The following SAMSN1 variants were observed in gnomAD, a reference collection of about 807,000 sequenced individuals.
SAMSN1 encodes SAM domain-containing protein SAMSN-1.
A neutral mutation model predicts 42.0 loss-of-function variants in SAMSN1; 31 were observed. The ratio of observed to expected loss-of-function variants is 0.74; its 90% CI spans 0.55 to 1.00. SAMSN1 has a LOEUF of 1.00. Ranked by LOEUF, SAMSN1 falls within the 50% of genes least tolerant of loss-of-function variation. The pLI is 0.00. For synonymous variants in SAMSN1, 178 were observed against 151.9 expected (o/e 1.17, Z -1.26); for missense variants, 464 against 439.4 (o/e 1.06, Z -0.50).
At chr21:14,561,462 A>T (rs1170331946) in intron 2 of SAMSN1, among the ~76,000 whole-genome samples, 1 of 152,164 alleles carries the variant, frequency 6.6e-6, no homozygotes, top group Non-Finnish European at 1.5e-5. Context: ...CTGTTGGGCA[A>T]ATACAATATG....
chr21:14,515,056 G>A (rs1987845300), intron 3 of SAMSN1, among the ~76,000 whole-genome samples: 2 of 152,020 alleles, frequency 1.3e-5, no homozygotes, highest in African/African-American at 4.8e-5. Flanking sequence ...AATGCCAGAA[G>A]CATGCCTAGT....
intron 2 of SAMSN1, among the ~76,000 whole-genome samples, chr21:14,518,182 G>A (rs1012350518): frequency 1.3e-5 from 2 of 152,160 alleles, no homozygotes; most frequent in African/African-American, 4.8e-5. Context: ...TCATATAATA[G>A]GAGAGTAATT....
At chr21:14,490,129 G>A (rs1286081776) in intron 7 of SAMSN1, among the ~76,000 whole-genome samples, 1 of 152,018 alleles carries the variant, frequency 6.6e-6, no homozygotes, top group African/African-American at 2.4e-5. Context: ...TTACCATCTT[G>A]CTTGCCTTAG....
At chr21:14,634,970 G>A (rs1339739789) in intron 2 of SAMSN1, among the ~76,000 whole-genome samples, 1 of 152,144 alleles carries the variant, frequency 6.6e-6, no homozygotes, top group African/African-American at 2.4e-5. Context: ...AGAAAATGTG[G>A]TACATATACA....
At chr21:14,505,116 A>T (rs1033830611) in intron 5 of SAMSN1, among the ~76,000 whole-genome samples, 3 of 152,230 alleles carry the variant, frequency 2.0e-5, no homozygotes, top group Non-Finnish European at 4.4e-5. Flanking sequence ...CTGGAAACAC[A>T]TCAAAACAGA....
intron 2 of SAMSN1, among the ~76,000 whole-genome samples, chr21:14,627,095 G>A (rs1222189229): frequency 6.6e-6 from 1 of 152,112 alleles, no homozygotes; most frequent in Non-Finnish European, 1.5e-5. Context: ...CATGGACACA[G>A]GGTGAGGAAC....
At chr21:14,629,383 T>C (rs1433370886) in intron 2 of SAMSN1, among the ~76,000 whole-genome samples, 1 of 152,168 alleles carries the variant, frequency 6.6e-6, no homozygotes. Context: ...TGAATTTAGA[T>C]GACAGTCTGT....
intron 2 of SAMSN1, among the ~76,000 whole-genome samples, chr21:14,581,574 T>A (rs1311726959): frequency 1.3e-5 from 2 of 151,540 alleles, no homozygotes; most frequent in Non-Finnish European, 2.9e-5. Context: ...TTAGCCAGGA[T>A]GGTCTCGATC....
At chr21:14,541,113 A>G (rs1979993059) in intron 1 of SAMSN1, among the ~76,000 whole-genome samples, 1 of 128,582 alleles carries the variant, frequency 7.8e-6, no homozygotes, top group Non-Finnish European at 1.6e-5. Flanking sequence ...AGGGAACATC[A>G]CACACCAGGG....
intron 7 of SAMSN1, among the ~76,000 whole-genome samples, chr21:14,497,263 A>G (rs1986947340): frequency 1.3e-5 from 2 of 152,218 alleles, no homozygotes; most frequent in Non-Finnish European, 2.9e-5. Context: ...TCTTGCTCAG[A>G]GCACATATGT....
chr21:14,616,411 GAC>G (rs1982839072), intron 2 of SAMSN1, among the ~76,000 whole-genome samples: 2 of 152,114 alleles, frequency 1.3e-5, no homozygotes, highest in Non-Finnish European at 2.9e-5. Flanking sequence ...CAAGGAGAGA[GAC>G]ACATACCTGG....
chr21:14,566,097 G>GCTA (rs1981108076), intron 2 of SAMSN1, among the ~76,000 whole-genome samples: 1 of 152,252 alleles, frequency 6.6e-6, no homozygotes, highest in Middle Eastern at 3.4e-3. Context: ...AGGGCAAGCT[G>GCTA]CTACTCTCAT....
chr21:14,512,577 C>A lies in SAMSN1; in HGVS notation c.280-4G>T. 1 of 1,613,642 alleles carries A rather than the reference C, an allele frequency of 6.2e-7. No homozygotes were observed. The highest frequency in any genetic ancestry group is 8.5e-7 in the Non-Finnish European group (1 of 1,179,648). ...CATTCTCTCCATCTTCCTCATCCTTCAGAAAACATATCAGAGGTTAGGTAC... is the reference window on the plus strand; with the variant it reads ...CATTCTCTCCATCTTCCTCATCCTTAAGAAAACATATCAGAGGTTAGGTAC... On this transcript the variant is annotated splice_region_variant and splice_polypyrimidine_tract_variant and intron_variant, in intron 3 of 7. Transcript: ENST00000400566.
chr21:14,577,236 GTGTATATATA>G (rs1268377470), intron 2 of SAMSN1, among the ~76,000 whole-genome samples: 328 of 30,844 alleles, frequency 0.011, 30 homozygotes, highest in African/African-American at 0.04. Flanking sequence ...ATATATATGT[GTGTATATATA>G]TATATATATA....
upstream of SAMSN1, among the ~76,000 whole-genome samples, chr21:14,546,904 T>C (rs970943880): frequency 6.6e-6 from 1 of 151,988 alleles, no homozygotes; most frequent in Non-Finnish European, 1.5e-5. Flanking sequence ...AGAGATGGGG[T>C]TTCACCATGT....
At chr21:14,631,009 T>A (rs911628691) in intron 2 of SAMSN1, among the ~76,000 whole-genome samples, 1 of 152,226 alleles carries the variant, frequency 6.6e-6, no homozygotes, top group African/African-American at 2.4e-5. Context: ...ACATGTCACC[T>A]TTCAATGTGT....
rs529547376 is a variant in SAMSN1 at position 14,644,768 on chromosome 21, C to T, written c.25-1635G>A. Among the ~76,000 whole-genome samples, 335 of 152,140 alleles carry T rather than the reference C, an allele frequency of 2.2e-3. 2 individuals carry two copies. The highest frequency in any genetic ancestry group is 5.8e-3 in the South Asian group (28 of 4,810). On this transcript the variant is annotated intron_variant, in intron 1 of 15. Coordinates refer to the SAMSN1 transcript ENST00000647101. The stretch of plus-strand genomic sequence containing the variant: ...TGCTTGGATGGCATTTCTGGACATG[C>T]CCTGGGCCAGAGGGGAGTCCAGTGC...
At chr21:14,496,740 T>C (rs67163592) in intron 7 of SAMSN1, among the ~76,000 whole-genome samples, 9,951 of 152,254 alleles carry the variant, frequency 0.065, 992 homozygotes, top group African/African-American at 0.21. Context: ...CCCTCTCTTT[T>C]GCATCTCCCA....
In SAMSN1 at chr21:14,516,909, CTTTGATGTACT is replaced by C; in HGVS notation, c.251_261del (p.Lys84SerfsTer4). 1 of 1,608,748 alleles carries C rather than the reference CTTTGATGTACT, an allele frequency of 6.2e-7. No individual in the cohort carries two copies. The highest frequency in any genetic ancestry group is 8.5e-7 in the Non-Finnish European group (1 of 1,178,306). On this transcript the variant is annotated frameshift_variant, in exon 3 of 8. Transcript: ENST00000400566. LOFTEE classifies it high-confidence loss of function. ...ATATTTACCTTTTCCTCAGAAAGGG[CTTTGATGTACT>C]TTTTACCCACTTTTTTCTTCATTGT...
Sources: gnomAD v4.1 joint callset for allele counts (sites outside exome capture counted in the v4.1 genomes callset) on GRCh38, gnomAD v4.1.1 for gene constraint, MANE v1.5 for transcripts, NCBI Gene and HGNC (gene_info 2026-07-23, HGNC 2026-07-21) for gene names.